The following ZNF324B variants were observed in gnomAD, a reference collection of about 807,000 sequenced individuals.
ZNF324B encodes zinc finger protein 324B.
ZNF324B carries 7 observed loss-of-function variants against 10.6 expected under a neutral mutation model. The observed-to-expected ratio is 0.66, with a 90% confidence interval of 0.38 to 1.24. The LOEUF (loss-of-function observed/expected upper bound fraction) is 1.24, where lower values mean the gene tolerates loss of function less well. Ranked by LOEUF, ZNF324B falls within the 50% of genes most tolerant of loss-of-function variation. ZNF324B has a pLI of 0.02. For missense variants in ZNF324B, 640 were observed against 764.7 expected, an observed-to-expected ratio of 0.84 and a Z score of 1.92; for synonymous variants, 316 against 321.0, an observed-to-expected ratio of 0.98 and a Z score of 0.17.
chr19:58,437,274 C>A, the ZNF324B span: 1 of 1,517,942 alleles, frequency 6.6e-7, no homozygotes, highest in South Asian at 1.3e-5. Flanking sequence ...CTGTGTGACT[C>A]AGAATCCTGA....
chr19:58,433,151 G>A, the ZNF324B span: 2 of 688,194 alleles, frequency 2.9e-6, no homozygotes, highest in East Asian at 2.7e-5. Flanking sequence ...TATGCTGCAT[G>A]GGTGAGATGG....
At chr19:58,436,897 C>T in the ZNF324B span, 8 of 1,051,008 alleles carry the variant, frequency 7.6e-6, no homozygotes, top group Non-Finnish European at 1.2e-5. Flanking sequence ...GGGAAGTACA[C>T]ACAGCAGAAC....
the ZNF324B span, among the ~76,000 whole-genome samples, chr19:58,427,645 G>A: frequency 4.0e-4 from 60 of 150,486 alleles, no homozygotes; most frequent in South Asian, 8.9e-3. Context: ...GTGAGCTACC[G>A]CGCCCAGCCT....
At chr19:58,445,128 C>A in the ZNF324B span, 1 of 290,634 alleles carries the variant, frequency 3.4e-6, no homozygotes, top group South Asian at 3.0e-5. Flanking sequence ...CTTTCATTAG[C>A]AAAAACAAAT....
At chr19:58,419,818 G>A in the ZNF324B span, among the ~76,000 whole-genome samples, 2 of 152,082 alleles carry the variant, frequency 1.3e-5, no homozygotes, top group East Asian at 1.9e-4. Flanking sequence ...CAGATCTTGC[G>A]GTTTATGGGA....
chr19:58,427,291 T>TTTCTTTCTTTCTTTC, the ZNF324B span, among the ~76,000 whole-genome samples: 131 of 58,386 alleles, frequency 2.2e-3, 9 homozygotes, highest in African/African-American at 6.2e-3. Context: ...TGCCTGGCTT[T>TTTCTTTCTTTCTTTC]TTTCTTTCTT....
At chr19:58,437,205 C>T in the ZNF324B span, 1 of 1,598,562 alleles carries the variant, frequency 6.3e-7, no homozygotes, top group Non-Finnish European at 8.5e-7. Flanking sequence ...GCCACAGGGC[C>T]AAGAAGTATG....
At chr19:58,442,200 C>G in the ZNF324B span, 1 of 122,898 alleles carries the variant, frequency 8.1e-6, no homozygotes, top group African/African-American at 4.0e-5. Flanking sequence ...CTCGCTCTGT[C>G]GCCCAGGCCG....
the ZNF324B span, among the ~76,000 whole-genome samples, chr19:58,423,479 A>G: frequency 6.6e-6 from 1 of 152,188 alleles, no homozygotes; most frequent in Non-Finnish European, 1.5e-5. Flanking sequence ...ATATTGTTAA[A>G]ATGACCATAC....
At chr19:58,437,227 A>T in the ZNF324B span, 1 of 1,575,910 alleles carries the variant, frequency 6.3e-7, no homozygotes, top group Non-Finnish European at 8.6e-7. Context: ...TGACAAAGAA[A>T]CAAACAATTG....
chr19:58,455,885 C>T lies in ZNF324B; in HGVS notation c.941C>T (p.Ala314Val). Residue 314 changes from alanine to valine, a missense_variant, in exon 4 of 4, where the codon GCG becomes GTG. Ala to Val is a moderately conservative substitution (Grantham distance 64). Coordinates refer to ENST00000336614, the MANE Select transcript of ZNF324B (RefSeq NM_207395.3). This position sits in a 1 kb window ranked among gnomAD's most constrained non-coding sequence, Gnocchi z 7.0. ...QRIHSGETPY[A>V]CPVCGKAFRH... ...ATCCACAGCGGCGAGACGCCCTACG[C>T]GTGCCCCGTGTGCGGCAAGGCCTTC... The T allele has an allele frequency of 4.4e-6, 7 of 1,607,210 alleles. No individual in the cohort carries two copies. Among genetic ancestry groups the T allele is most frequent in the Non-Finnish European group, 6.0e-6 (7 of 1,175,956 alleles).
chr19:58,421,132 A>C, the ZNF324B span, among the ~76,000 whole-genome samples: 1 of 151,984 alleles, frequency 6.6e-6, no homozygotes, highest in Non-Finnish European at 1.5e-5. Context: ...AGGCAGTGGC[A>C]AACTGCCATG....
At chr19:58,434,703 C>G in the ZNF324B span, 1 of 1,614,190 alleles carries the variant, frequency 6.2e-7, no homozygotes, top group Non-Finnish European at 8.5e-7. Flanking sequence ...GAGTGGAGCT[C>G]TTCAGGAAGG....
the ZNF324B span, chr19:58,437,170 T>G: frequency 1.2e-6 from 2 of 1,612,962 alleles, no homozygotes; most frequent in African/African-American, 2.7e-5. Flanking sequence ...AAGGTTACCA[T>G]GCTCTTCAAT....
chr19:58,446,923 C>T (rs1330963199), upstream of ZNF324B, among the ~76,000 whole-genome samples: 5 of 151,142 alleles, frequency 3.3e-5, no homozygotes, highest in African/African-American at 1.2e-4. Flanking sequence ...CTTTCCTTTC[C>T]TTTCCTTTGC....
At chr19:58,436,720 A>C in the ZNF324B span, among the ~76,000 whole-genome samples, 8 of 151,212 alleles carry the variant, frequency 5.3e-5, no homozygotes, top group South Asian at 1.7e-3. Flanking sequence ...TGGGAAAGAG[A>C]CAGAATCTGG....
At chr19:58,433,284 G>A in the ZNF324B span, 8 of 1,571,376 alleles carry the variant, frequency 5.1e-6, no homozygotes, top group Non-Finnish European at 6.9e-6. Flanking sequence ...TGACTTGGCT[G>A]AAGATTTTCT....
chr19:58,453,242 T>C (rs553157754), intron 1 of ZNF324B: 1 of 220,628 alleles, frequency 4.5e-6, no homozygotes, highest in African/African-American at 2.3e-5. Flanking sequence ...TCCCTCAGGC[T>C]GGATGAGCAG....
the ZNF324B span, among the ~76,000 whole-genome samples, chr19:58,431,680 A>G: frequency 6.6e-6 from 1 of 152,170 alleles, no homozygotes; most frequent in Non-Finnish European, 1.5e-5. Context: ...CTGAAATTAC[A>G]TGGTAAATAA....
Sources: allele counts gnomAD v4.1 joint callset (sites outside exome capture counted in the v4.1 genomes callset), GRCh38; gene constraint gnomAD v4.1.1; non-coding constraint Gnocchi (gnomAD v3.1); transcripts MANE v1.5; gene names NCBI Gene and HGNC (gene_info 2026-07-23, HGNC 2026-07-21).